Variants in SCFD2 observed in about 807,000 individuals in gnomAD.
The protein encoded by SCFD2 is sec1 family domain containing 2, also known as sec1 family domain-containing protein 2.
Under a neutral mutation model 58.9 loss-of-function variants are expected in SCFD2, and 54 were observed. The ratio of observed to expected loss-of-function variants is 0.92; its 90% confidence interval spans 0.74 to 1.15. The LOEUF is 1.15. SCFD2 is among the 50% of genes most tolerant of loss of function. SCFD2 has a pLI of 0.00. For missense variants in SCFD2, 805 were observed against 836.6 expected (o/e 0.96, Z 0.47); for synonymous variants, 321 against 335.9 (o/e 0.96, Z 0.49).
intron 4 of SCFD2, among the ~76,000 whole-genome samples, chr4:53,247,916 G>A (rs902706588): frequency 1.3e-5 from 2 of 151,850 alleles, no homozygotes; most frequent in African/African-American, 4.8e-5. Context: ...GTTTGGGGGA[G>A]GAGCCAAGAT....
intron 5 of SCFD2, among the ~76,000 whole-genome samples, chr4:53,058,331 T>TTA (rs945990243): frequency 3.9e-5 from 6 of 152,106 alleles, no homozygotes; most frequent in African/African-American, 1.4e-4. Context: ...TGAATTAATG[T>TTA]TATAGTTAGT....
At chr4:53,120,474 T>C (rs1478324934) in intron 5 of SCFD2, among the ~76,000 whole-genome samples, 1 of 152,240 alleles carries the variant, frequency 6.6e-6, no homozygotes, top group African/African-American at 2.4e-5. Flanking sequence ...TGTCAATCTA[T>C]GAAGCCCTAG....
chr4:53,358,260 T>C (rs1048299501), intron 1 of SCFD2, among the ~76,000 whole-genome samples: 2 of 152,134 alleles, frequency 1.3e-5, no homozygotes, highest in Non-Finnish European at 2.9e-5. Flanking sequence ...AAAGTTTGCA[T>C]GAAGCTGCCT....
intron 4 of SCFD2, among the ~76,000 whole-genome samples, chr4:53,229,237 C>A (rs1191711492): frequency 6.6e-6 from 1 of 152,176 alleles, no homozygotes; most frequent in African/African-American, 2.4e-5. Flanking sequence ...ATCAAGCTAC[C>A]AATGACTTTC....
chr4:53,221,911 A>G (rs1281990589), intron 4 of SCFD2, among the ~76,000 whole-genome samples: 1 of 152,198 alleles, frequency 6.6e-6, no homozygotes, highest in African/African-American at 2.4e-5. Flanking sequence ...AGGAACCACA[A>G]CAACAAAATA....
intron 4 of SCFD2, among the ~76,000 whole-genome samples, chr4:53,194,904 T>G (rs532217609): frequency 6.6e-6 from 1 of 152,342 alleles, no homozygotes; most frequent in Non-Finnish European, 1.5e-5. Flanking sequence ...GCATCATGGC[T>G]GTAGGTACAG....
intron 2 of SCFD2, among the ~76,000 whole-genome samples, chr4:53,345,098 T>C (rs1333974587): frequency 6.6e-6 from 1 of 152,076 alleles, no homozygotes; most frequent in Non-Finnish European, 1.5e-5. Context: ...AATAGACAAA[T>C]GGAATCTACT....
chr4:52,984,877 G>T (rs1006066568), intron 5 of SCFD2, among the ~76,000 whole-genome samples: 1 of 152,154 alleles, frequency 6.6e-6, no homozygotes, highest in African/African-American at 2.4e-5. Flanking sequence ...TTCCAATAAT[G>T]CAGGAGACAG....
intron 5 of SCFD2, among the ~76,000 whole-genome samples, chr4:53,033,932 A>G (rs184332375): frequency 2.6e-3 from 398 of 152,312 alleles, no homozygotes; most frequent in Non-Finnish European, 4.4e-3. Flanking sequence ...CAAGCAACAG[A>G]AATAGAGGGA....
chr4:53,056,010 A>G (rs566396130), intron 5 of SCFD2, among the ~76,000 whole-genome samples: 1 of 152,198 alleles, frequency 6.6e-6, no homozygotes, highest in African/African-American at 2.4e-5. Context: ...CCCAAAATGA[A>G]CATGTGTATC....
intron 1 of SCFD2, among the ~76,000 whole-genome samples, chr4:53,362,698 GA>G (rs1734580245): frequency 3.3e-5 from 5 of 151,948 alleles, no homozygotes; most frequent in Admixed American, 3.3e-4. Flanking sequence ...AAAAAAAATG[GA>G]ATTGAAGTTG....
At chr4:52,961,015 G>A (rs1034964341) in intron 5 of SCFD2, among the ~76,000 whole-genome samples, 3 of 152,162 alleles carry the variant, frequency 2.0e-5, no homozygotes, top group African/African-American at 7.2e-5. Flanking sequence ...GACCTTGCAG[G>A]AGAGGCTGAG....
At chr4:53,199,543 G>A (rs1279925103) in intron 4 of SCFD2, among the ~76,000 whole-genome samples, 1 of 152,080 alleles carries the variant, frequency 6.6e-6, no homozygotes, top group East Asian at 1.9e-4. Context: ...ATGTTAATAA[G>A]GTAACTTAGG....
intron 5 of SCFD2, among the ~76,000 whole-genome samples, chr4:52,986,623 C>T (rs1976045): frequency 0.056 from 8,433 of 150,542 alleles, 322 homozygotes; most frequent in South Asian, 0.11. Context: ...CTCAGCCTCC[C>T]GAGTAGCTGG....
In SCFD2 at chr4:53,202,307, C is replaced by G. The variant is rs191864960; in HGVS notation, c.1312-56725G>C. ...AATCCTTTCCCCATTGCTTGTTTTT[C>G]TCAGGTTTGTCAAAGATCAGATAGC... On this transcript the variant is annotated intron_variant, in intron 4 of 8. Transcript: ENST00000401642. Among the ~76,000 whole-genome samples, 724 of 152,206 alleles carry G rather than the reference C, an allele frequency of 4.8e-3. 4 individuals are homozygous for G. The highest frequency in any genetic ancestry group is 0.027 in the Middle Eastern group (8 of 294).
intron 1 of SCFD2, among the ~76,000 whole-genome samples, chr4:53,362,968 A>G (rs1256800004): frequency 2.0e-5 from 3 of 152,180 alleles, no homozygotes; most frequent in African/African-American, 7.2e-5. Flanking sequence ...ATGGGAAAAT[A>G]CAGATTTGTT....
intron 4 of SCFD2, among the ~76,000 whole-genome samples, chr4:53,193,703 T>G (rs939765101): frequency 6.6e-6 from 1 of 152,198 alleles, no homozygotes; most frequent in African/African-American, 2.4e-5. Context: ...AAAAGTACAA[T>G]GGAGTACATG....
chr4:53,262,487 CTG>C (rs2149055653), intron 4 of SCFD2, among the ~76,000 whole-genome samples: 1 of 152,292 alleles, frequency 6.6e-6, no homozygotes, highest in East Asian at 1.9e-4. Context: ...CTAGAAAAGA[CTG>C]TATCTTTCCT....
chr4:53,347,603 T>C (rs1272709963), intron 2 of SCFD2, among the ~76,000 whole-genome samples: 4 of 151,826 alleles, frequency 2.6e-5, no homozygotes, highest in African/African-American at 9.7e-5. Context: ...AAAAGGGAAA[T>C]GGTGCCAAGT....
Sources: gnomAD v4.1 joint callset for allele counts (sites outside exome capture counted in the v4.1 genomes callset) on GRCh38, gnomAD v4.1.1 for gene constraint, MANE v1.5 for transcripts, NCBI Gene and HGNC (gene_info 2026-07-23, HGNC 2026-07-21) for gene names.